FGF14: variants seen among roughly 807,000 people sequenced by gnomAD.
FGF14 encodes the protein fibroblast growth factor 14.
Under a neutral mutation model 25.5 loss-of-function variants are expected in FGF14, and 5 were observed. That is an observed-to-expected ratio of 0.20 (90% CI 0.10 to 0.41). FGF14 has a LOEUF of 0.41. FGF14 is among the 10% of genes least tolerant of loss of function. The pLI, the probability that FGF14 is intolerant of heterozygous loss-of-function variation, is 1.00. For missense variants in FGF14, 222 were observed against 320.1 expected, an observed-to-expected ratio of 0.69 and a Z score of 2.34; for synonymous variants, 138 against 118.3, an observed-to-expected ratio of 1.17 and a Z score of -1.08.
chr13:102,217,713 CCT>C (rs1004780936), intron 1 of FGF14, among the ~76,000 whole-genome samples: 10 of 152,236 alleles, frequency 6.6e-5, no homozygotes, highest in African/African-American at 2.2e-4. Context: ...AGAAGTCACC[CCT>C]GTTTCACACA....
chr13:102,013,357 T>C (rs2040179446), intron 1 of FGF14, among the ~76,000 whole-genome samples: 1 of 152,144 alleles, frequency 6.6e-6, no homozygotes, highest in African/African-American at 2.4e-5. Flanking sequence ...ACCATGAGAA[T>C]AAATGTTAAA....
chr13:101,995,188 A>C (rs2039116708), intron 1 of FGF14, among the ~76,000 whole-genome samples: 1 of 152,116 alleles, frequency 6.6e-6, no homozygotes, highest in South Asian at 2.1e-4. Context: ...ATTCATTGAA[A>C]GTCTCATTTT....
chr13:102,192,849 C>T (rs1220295020), intron 1 of FGF14, among the ~76,000 whole-genome samples: 1 of 152,132 alleles, frequency 6.6e-6, no homozygotes, highest in African/African-American at 2.4e-5. Flanking sequence ...TATCAACATT[C>T]TCTTCACGAT....
At chr13:102,100,790 T>G (rs1268726617) in intron 1 of FGF14, among the ~76,000 whole-genome samples, 1 of 152,196 alleles carries the variant, frequency 6.6e-6, no homozygotes, top group East Asian at 1.9e-4. Context: ...TAAAGATAAA[T>G]AACCTGAAGC....
chr13:101,987,816 A>G lies in FGF14; in HGVS notation c.209-112520T>C, dbSNP rs560755567. Among the ~76,000 whole-genome samples the G allele has an allele frequency of 2.0e-5, 3 of 152,222 alleles. No homozygotes were observed. The South Asian group carries it at 6.2e-4, about 32-fold the overall frequency. On this transcript the variant is annotated intron_variant, in intron 1 of 4. Transcript: ENST00000376131. Reference sequence around the variant, plus strand: ...GTCTTAAGGAAAATTCATAGTAGACATCACCTGAGTCATTGATCAATGATC... The same window carrying G: ...GTCTTAAGGAAAATTCATAGTAGACGTCACCTGAGTCATTGATCAATGATC...
chr13:101,772,530 T>C (rs2038844885), intron 3 of FGF14, among the ~76,000 whole-genome samples: 1 of 152,058 alleles, frequency 6.6e-6, no homozygotes, highest in African/African-American at 2.4e-5. Context: ...TATAATTACT[T>C]CTCATTTATC....
Position 102,145,829 on chromosome 13 carries a change from G to A in FGF14, c.208+255642C>T, listed in dbSNP as rs1028862782. Among the ~76,000 whole-genome samples the A allele has an allele frequency of 2.0e-5, 3 of 152,274 alleles. No homozygotes were observed. In the East Asian group the frequency reaches 5.8e-4, roughly 29 times the overall value. On this transcript the variant is annotated intron_variant, in intron 1 of 4. Coordinates refer to the FGF14 transcript ENST00000376131. ...ACAGGGAGAGAGAGTATTTAGAGAA[G>A]TATATAAACATTATTTTATTTGAGT...
At chr13:102,319,083 C>T (rs1270769684) in intron 1 of FGF14, among the ~76,000 whole-genome samples, 2 of 152,174 alleles carry the variant, frequency 1.3e-5, no homozygotes, top group African/African-American at 2.4e-5. Context: ...GCTGTCTGAT[C>T]ACAGCAGAAG....
At chr13:101,823,972 T>C (rs1486796357) in intron 3 of FGF14, among the ~76,000 whole-genome samples, 1 of 151,944 alleles carries the variant, frequency 6.6e-6, no homozygotes, top group African/African-American at 2.4e-5. Flanking sequence ...TCTACATAAT[T>C]CTATGTTCTG....
intron 1 of FGF14, among the ~76,000 whole-genome samples, chr13:102,144,560 G>T (rs529814737): frequency 9.4e-4 from 106 of 112,640 alleles, no homozygotes; most frequent in Non-Finnish European, 1.8e-3. Context: ...ATAAATAAAA[G>T]AGAATAGAGT....
At chr13:101,857,289 T>G (rs898382273) in intron 3 of FGF14, among the ~76,000 whole-genome samples, 1 of 152,002 alleles carries the variant, frequency 6.6e-6, no homozygotes, top group African/African-American at 2.4e-5. Context: ...TAGTTATTCC[T>G]AAGCCTCACA....
At chr13:102,165,379 A>G (rs886410147) in intron 1 of FGF14, among the ~76,000 whole-genome samples, 15 of 152,182 alleles carry the variant, frequency 9.9e-5, no homozygotes, top group Middle Eastern at 6.8e-3. Context: ...TGTTTATTGC[A>G]GCACTATTCA....
intron 1 of FGF14, among the ~76,000 whole-genome samples, chr13:102,105,661 G>A (rs2044871936): frequency 6.6e-6 from 1 of 152,096 alleles, no homozygotes; most frequent in Admixed American, 6.5e-5. Context: ...CATTTATTTT[G>A]TTATTCCAAT....
rs2139639748 is a variant in FGF14, at chr13:101,719,664, A to AAATC, written c.*3163_*3166dup. The AAATC allele has an allele frequency of 6.6e-6, 1 of 152,236 alleles. No individual in the cohort carries two copies. Among genetic ancestry groups the AAATC allele is most frequent in the East Asian group, 1.9e-4 (1 of 5,166 alleles). 9.4% of individuals were successfully genotyped at this position (152,236 alleles called of 1,614,324 possible). A position where few individuals can be genotyped will look rare whatever the true frequency, so the allele number is the denominator to read the frequency against. On this transcript the variant is annotated 3_prime_UTR_variant, in exon 5 of 5. Coordinates refer to ENST00000376143, the MANE Select transcript of FGF14 (RefSeq NM_004115.4). ...TGGCAAAGCAATCAGCTACTATAACAAATCAGTAGAAATAACCCTCCCACA... is the reference window on the plus strand; with the variant it reads ...TGGCAAAGCAATCAGCTACTATAACAAATCAATCAGTAGAAATAACCCTCCCACA...
chr13:102,149,215 T>C (rs902520383), intron 1 of FGF14, among the ~76,000 whole-genome samples: 3 of 151,816 alleles, frequency 2.0e-5, no homozygotes, highest in African/African-American at 4.8e-5. Context: ...TTTATATTTA[T>C]TAAAATAATT....
At chr13:102,063,635 A>G (rs1021636585) in intron 1 of FGF14, among the ~76,000 whole-genome samples, 3 of 152,194 alleles carry the variant, frequency 2.0e-5, no homozygotes, top group African/African-American at 7.2e-5. Flanking sequence ...AAAGTTCGCA[A>G]TGCTAAAACA....
intron 1 of FGF14, among the ~76,000 whole-genome samples, chr13:102,146,090 G>A (rs934789437): frequency 3.3e-5 from 5 of 152,170 alleles, no homozygotes; most frequent in Non-Finnish European, 7.4e-5. Flanking sequence ...CCTTGTTCTT[G>A]TGATTCATAA....
chr13:102,096,822 G>A (rs1026929119), intron 1 of FGF14, among the ~76,000 whole-genome samples: 1 of 152,054 alleles, frequency 6.6e-6, no homozygotes, highest in Non-Finnish European at 1.5e-5. Context: ...AAAAGAAACT[G>A]GGCCATATAT....
chr13:102,324,598 A>G (rs1368657628), intron 1 of FGF14, among the ~76,000 whole-genome samples: 1 of 152,164 alleles, frequency 6.6e-6, no homozygotes, highest in South Asian at 2.1e-4. Flanking sequence ...AGTGGCTAGA[A>G]CAGAGCAGGC....
Sources: gnomAD v4.1 joint callset for allele counts (sites outside exome capture counted in the v4.1 genomes callset) on GRCh38, gnomAD v4.1.1 for gene constraint, MANE v1.5 for transcripts, NCBI Gene and HGNC (gene_info 2026-07-23, HGNC 2026-07-21) for gene names.